Variants in GGT1 observed in about 807,000 individuals in gnomAD.
GGT1 encodes the protein glutathione hydrolase 1 proenzyme.
In GGT1, 21 loss-of-function variants were observed where a neutral mutation model predicts 56.0. The observed-to-expected ratio is 0.38, with a 90% confidence interval of 0.27 to 0.54. The LOEUF is 0.54. Ranked by LOEUF, GGT1 falls within the 20% of genes least tolerant of loss-of-function variation. GGT1 has a pLI of 0.82. For synonymous variants in GGT1, 238 were observed against 342.6 expected (o/e 0.69, Z 3.37); for missense variants, 466 against 787.0 (o/e 0.59, Z 4.88).
intron 1 of GGT1, among the ~76,000 whole-genome samples, chr22:24,605,994 A>G (rs1205060233): frequency 1.7e-5 from 1 of 58,940 alleles, no homozygotes; most frequent in African/African-American, 7.5e-5. Flanking sequence ...TTATATTTAT[A>G]TAATTTATAT....
chr22:24,592,232 G>A (rs2045590586), upstream of GGT1: 4 of 456,144 alleles, frequency 8.8e-6, no homozygotes, highest in African/African-American at 8.0e-5. Context: ...GTGTGTAGGA[G>A]CAGAGCCACC....
In GGT1 at chr22:24,614,865, T is replaced by C. The variant is rs769524204; in HGVS notation, c.254T>C (p.Ile85Thr). The change falls in exon 6 of 16, where the codon ATC (isoleucine) becomes ACC (threonine). Residue 85 changes from isoleucine to threonine, a missense_variant. By Grantham distance (89) the Ile-to-Thr change is moderately conservative. This residue lies in a region of GGT1 where 456 missense variants were observed against 716.7 expected (regional missense o/e 0.64). Transcript: ENST00000400382. ...CTCATGAATGCCCACAGCATGGGCA[T>C]CGGGGGTGGCCTCTTCCTCACCATC... is the stretch of plus-strand genomic sequence containing the variant. ...VGLMNAHSMG[I>T]GGGLFLTIYN... The C allele has an allele frequency of 1.2e-6, 2 of 1,613,340 alleles. No homozygotes were observed. The highest frequency in any genetic ancestry group is 1.7e-6 in the Non-Finnish European group (2 of 1,179,628).
At position 24,605,251 on chromosome 22, in the gene GGT1, ATATGTATTATATAT is replaced by A. The variant is rs1264623562; in HGVS notation, c.-429+1728_-429+1741del. ...TATGTATTATATTATATATTATATA[ATATGTATTATATAT>A]TATATAATATGTATTATATATTATA... On this transcript the variant is annotated intron_variant, in intron 1 of 15. Transcript: ENST00000400382. Among the ~76,000 whole-genome samples the A allele has an allele frequency of 5.6e-4, 25 of 44,932 alleles. 5 individuals are homozygous for A. Among genetic ancestry groups the A allele is most frequent in the Admixed American group, 9.5e-4 (2 of 2,096 alleles). The allele number at this position is 44,932 out of a possible 152,430, so 29.5% of individuals were successfully genotyped here. A position where few individuals can be genotyped will look rare whatever the true frequency, so the allele number is the denominator to read the frequency against.
At chr22:24,625,493 C>T (rs3938847) in intron 11 of GGT1, among the ~76,000 whole-genome samples, 2 of 151,952 alleles carry the variant, frequency 1.3e-5, no homozygotes, top group East Asian at 1.9e-4. Context: ...CTCAAACTCC[C>T]GGGATCAAAC....
intron 7 of GGT1, among the ~76,000 whole-genome samples, chr22:24,616,219 G>A (rs2047055128): frequency 6.6e-6 from 1 of 151,900 alleles, no homozygotes; most frequent in Admixed American, 6.6e-5. Flanking sequence ...TTCAAGACCA[G>A]CCTGGCCAAC....
Position 24,605,133 on chromosome 22 carries a change from T to TTATATAATATGTAA in GGT1, c.-429+1616_-429+1617insGTAATATATAATAT, listed in dbSNP as rs2045988570. On this transcript the variant is annotated intron_variant, in intron 1 of 15. Coordinates refer to ENST00000400382, the MANE Select transcript of GGT1 (RefSeq NM_001288833.2). Reference sequence around the variant, plus strand: ...TATATATTATATAATATGTAATATATTATATAATATATAATATGTATTATA... The same window carrying TTATATAATATGTAA: ...TATATATTATATAATATGTAATATATTATATAATATGTAATATATAATATATAATATGTATTATA... 5.3e-5 allele frequency among the ~76,000 whole-genome samples: 4 copies of TTATATAATATGTAA among 75,894 alleles called. 2 individuals are homozygous for TTATATAATATGTAA. Among genetic ancestry groups the TTATATAATATGTAA allele is most frequent in the Non-Finnish European group, 8.5e-5 (4 of 47,136 alleles). 49.8% of individuals were successfully genotyped at this position (75,894 alleles called of 152,430 possible).
In GGT1 at chr22:24,628,254, G is replaced by A; in HGVS notation, c.1450-21G>A. ...CCCTGCACAGCCCCCAAGCCATGCT[G>A]ATCACACTCCCATGCCCCAGGCCAT... On this transcript the variant is annotated intron_variant, in intron 14 of 15. Transcript: ENST00000400382. This position sits in a 1 kb window ranked among gnomAD's most constrained non-coding sequence, Gnocchi z 5.7. 6.2e-7 allele frequency: 1 copy of A among 1,611,994 alleles called. No homozygotes were observed. The highest frequency in any genetic ancestry group is 8.5e-7 in the Non-Finnish European group (1 of 1,179,848).
chr22:24,592,721 C>T (rs1198930060), upstream of GGT1: 19 of 1,293,308 alleles, frequency 1.5e-5, no homozygotes, highest in Non-Finnish European at 1.8e-5. Flanking sequence ...CCTCGGAACC[C>T]GCCTGCGCGC....
intron 5 of GGT1, among the ~76,000 whole-genome samples, chr22:24,612,173 C>T (rs919099012): frequency 4.0e-5 from 6 of 150,702 alleles, no homozygotes; most frequent in Non-Finnish European, 8.8e-5. Context: ...CTCCTGACCT[C>T]AGGTAATCCA....
chr22:24,584,587 A>G, the GGT1 span, among the ~76,000 whole-genome samples: 5 of 152,162 alleles, frequency 3.3e-5, no homozygotes, highest in Admixed American at 3.3e-4. Context: ...CGCCGCTTAC[A>G]GTCCCTGTGG....
Position 24,613,079 on chromosome 22 carries a change from T to C in GGT1, c.165-1697T>C, listed in dbSNP as rs557325978. On this transcript the variant is annotated intron_variant, in intron 5 of 15. Transcript: ENST00000400382. ...AAAGACTTAAACAGAAAAAATATTATGTTTTTCATATTTTGAGACAGGGTC... is the reference window on the plus strand; with the variant it reads ...AAAGACTTAAACAGAAAAAATATTACGTTTTTCATATTTTGAGACAGGGTC... Among the ~76,000 whole-genome samples the C allele has an allele frequency of 9.5e-4, 144 of 152,180 alleles. 1 individual carries two copies. Among genetic ancestry groups the C allele is most frequent in the African/African-American group, 3.4e-3 (141 of 41,516 alleles).
intron 1 of GGT1, among the ~76,000 whole-genome samples, chr22:24,604,899 A>G (rs2045937150): frequency 6.8e-6 from 1 of 147,730 alleles, no homozygotes; most frequent in Non-Finnish European, 1.5e-5. Context: ...CATTGAAGGC[A>G]GCTCTGTCTC....
chr22:24,627,428 G>A lies in GGT1; in HGVS notation c.1021-4G>A, dbSNP rs1271644303. The A allele has an allele frequency of 3.1e-6, 5 of 1,609,164 alleles. No homozygotes were observed. Among genetic ancestry groups the A allele is most frequent in the Non-Finnish European group, 3.4e-6 (4 of 1,179,164 alleles). ...TCCTCAGGCCAGCTCTGGGGTCTCGGCAGGTGGTCCGCAACATGACCTCCG... is the reference window on the plus strand; with the variant it reads ...TCCTCAGGCCAGCTCTGGGGTCTCGACAGGTGGTCCGCAACATGACCTCCG... On this transcript the variant is annotated splice_polypyrimidine_tract_variant and splice_region_variant and intron_variant, in intron 11 of 15. Transcript: ENST00000400382.
intron 7 of GGT1, among the ~76,000 whole-genome samples, chr22:24,616,502 C>T (rs1207996301): frequency 6.6e-6 from 1 of 150,540 alleles, no homozygotes; most frequent in Non-Finnish European, 1.5e-5. Flanking sequence ...GGGTGGTGCC[C>T]TTTGGAGTCT....
chr22:24,587,482 C>T, the GGT1 span, among the ~76,000 whole-genome samples: 1 of 152,232 alleles, frequency 6.6e-6, no homozygotes, highest in Admixed American at 6.5e-5. Context: ...CTTGTGGGGT[C>T]CAAGCTCAGC....
rs759573748 is a variant in GGT1, at chr22:24,627,596, C to T, written c.1185C>T (p.Ser395=). ...SVVAEDGSAV[S]ATSTINLYFG... The stretch of plus-strand genomic sequence containing the variant: ...TCGCAGAGGACGGCAGTGCTGTGTC[C>T]GCCACCAGCACCATCAACCTCTAGT... The change falls in exon 12 of 16, where the codon TCC becomes TCT. Residue 395 remains serine (S), a synonymous_variant. Coordinates refer to ENST00000400382, the MANE Select transcript of GGT1 (RefSeq NM_001288833.2). 8.7e-6 allele frequency: 14 copies of T among 1,608,740 alleles called. No individual in the cohort carries two copies. The East Asian group carries it at 8.9e-5, about 10-fold the overall frequency.
At chr22:24,588,262 G>A in the GGT1 span, 116 of 1,613,632 alleles carry the variant, frequency 7.2e-5, no homozygotes, top group South Asian at 2.3e-4. Flanking sequence ...CTGCTGCTTC[G>A]AGTGAGGGGT....
Position 24,620,749 on chromosome 22 carries a change from C to G in GGT1, c.576-164C>G. The G allele has an allele frequency of 3.4e-6, 5 of 1,458,762 alleles. No homozygotes were observed. The Admixed American group carries it at 1.1e-4, about 31-fold the overall frequency. 90.4% of individuals were successfully genotyped at this position (1,458,762 alleles called of 1,614,324 possible). On this transcript the variant is annotated intron_variant, in intron 8 of 15. Coordinates refer to ENST00000400382, the MANE Select transcript of GGT1 (RefSeq NM_001288833.2). The surrounding 1 kb of genome is among the most constrained non-coding windows in gnomAD (Gnocchi z 5.6). ...CTGAGTGGCAAGGGACACTAGGAAGCTCCCGGAAGGGACACTAGGAAGACG... is the reference window on the plus strand; with the variant it reads ...CTGAGTGGCAAGGGACACTAGGAAGGTCCCGGAAGGGACACTAGGAAGACG...
At chr22:24,606,073 A>G (rs1391940134) in intron 1 of GGT1, among the ~76,000 whole-genome samples, 1 of 83,992 alleles carries the variant, frequency 1.2e-5, no homozygotes, top group East Asian at 2.9e-4. Context: ...TAATTTATAT[A>G]ATATATCATA....
Sources: gnomAD v4.1 joint callset for allele counts (sites outside exome capture counted in the v4.1 genomes callset) on GRCh38, gnomAD v4.1.1 for gene constraint, gnomAD v4.1.1 regional missense constraint, Gnocchi (gnomAD v3.1) non-coding constraint, MANE v1.5 for transcripts, NCBI Gene and HGNC (gene_info 2026-07-23, HGNC 2026-07-21) for gene names.